Variants in NPIPB11 observed in about 807,000 individuals in gnomAD.
NPIPB11 encodes the protein nuclear pore complex interacting protein family member B11.
In NPIPB11, 17 loss-of-function variants were observed where a neutral mutation model predicts 32.8. The observed-to-expected ratio is 0.52, with a 90% CI of 0.35 to 0.78. NPIPB11 has a LOEUF of 0.78. Ranked by LOEUF, NPIPB11 falls within the 30% of genes least tolerant of loss-of-function variation. The pLI, the probability that NPIPB11 is intolerant of heterozygous loss-of-function variation, is 0.01. For synonymous variants in NPIPB11, 209 were observed against 398.4 expected (o/e 0.52, Z 5.66); for missense variants, 537 against 1,000.4 (o/e 0.54, Z 6.25).
At chr16:29,391,073 C>A (rs1347014712) in intron 3 of NPIPB11, among the ~76,000 whole-genome samples, 1 of 150,782 alleles carries the variant, frequency 6.6e-6, no homozygotes, top group African/African-American at 2.4e-5. Flanking sequence ...TGGAGACCAT[C>A]CTGGGCAACA....
At chr16:29,390,209 A>C in intron 4 of NPIPB11, 40 bp downstream of exon 4, 6 of 1,581,458 alleles carry the variant, frequency 3.8e-6, no homozygotes, top group Non-Finnish European at 5.1e-6. Flanking sequence ...TTCCAGGGCA[A>C]ACTCATTTCC....
chr16:29,399,572 G>A (rs28607408), intron 2 of NPIPB11, among the ~76,000 whole-genome samples: 7,810 of 150,690 alleles, frequency 0.052, 734 homozygotes, highest in African/African-American at 0.18. Flanking sequence ...GGTGGTGGGC[G>A]CCTTAGTCCC....
rs578249046 is a variant in NPIPB11, at chr16:29,390,526, G to A, written c.250-178C>T. On this transcript the variant is annotated intron_variant, in intron 3 of 7. Transcript: ENST00000524087. ...AAATTAGCCGGGCATGGCAGCGGGC[G>A]CCTGTAATCCAAGCTACTCGGGAGG... is the stretch of plus-strand genomic sequence containing the variant. 4.3e-3 allele frequency among the ~76,000 whole-genome samples: 649 copies of A among 151,574 alleles called. 7 individuals carry two copies. Among genetic ancestry groups the A allele is most frequent in the African/African-American group, 0.015 (609 of 41,218 alleles).
At chr16:29,391,249 G>C (rs1253867330) in intron 3 of NPIPB11, among the ~76,000 whole-genome samples, 2 of 128,158 alleles carry the variant, frequency 1.6e-5, no homozygotes, top group African/African-American at 6.0e-5. Context: ...CCTGGTGACA[G>C]AGTGAGACTC....
At chr16:29,398,884 C>A (rs541843909) in intron 2 of NPIPB11, among the ~76,000 whole-genome samples, 13 of 151,994 alleles carry the variant, frequency 8.6e-5, no homozygotes, top group African/African-American at 2.4e-4. Context: ...CATCCGAAAC[C>A]GAGTGATGAT....
intron 5 of NPIPB11, 115 bp downstream of exon 5, chr16:29,389,826 G>C: frequency 6.4e-7 from 1 of 1,555,858 alleles, no homozygotes; most frequent in South Asian, 1.1e-5. Flanking sequence ...ACTCAATTTT[G>C]AACCTACTGA....
intron 2 of NPIPB11, among the ~76,000 whole-genome samples, chr16:29,402,702 C>CTG (rs1303950821): frequency 2.7e-5 from 3 of 110,500 alleles, no homozygotes; most frequent in African/African-American, 4.1e-5. Context: ...AACTCTGTCT[C>CTG]TCTCTCTCTC....
chr16:29,389,915 A>C (rs1243696329), intron 5 of NPIPB11, 26 bp downstream of exon 5: 2 of 1,584,656 alleles, frequency 1.3e-6, no homozygotes, highest in Admixed American at 3.4e-5. Context: ...TTCCTACAAC[A>C]GTATTTGTGT....
In NPIPB11 at chr16:29,390,600, C is replaced by T. The variant is rs1266281473; in HGVS notation, c.250-252G>A. Reference sequence around the variant, plus strand: ...CTGGGAGGCGGAGGTTGCAGTGAGCCGAGATCACACCACTGCACTCCAGCC... The same window carrying T: ...CTGGGAGGCGGAGGTTGCAGTGAGCTGAGATCACACCACTGCACTCCAGCC... On this transcript the variant is annotated intron_variant, in intron 3 of 7. Coordinates refer to ENST00000524087, the Ensembl canonical transcript of NPIPB11. 1.3e-5 allele frequency among the ~76,000 whole-genome samples: 2 copies of T among 149,890 alleles called. 1 individual carries two copies. Among genetic ancestry groups the T allele is most frequent in the East Asian group, 4.0e-4 (2 of 5,002 alleles).
chr16:29,406,411 AT>A (rs1219739704), upstream of NPIPB11, among the ~76,000 whole-genome samples: 3 of 152,276 alleles, frequency 2.0e-5, no homozygotes, highest in Non-Finnish European at 4.4e-5. Flanking sequence ...TGCTAAAGTT[AT>A]ATTTGTATAA....
At chr16:29,393,891 T>C in intron 3 of NPIPB11, 57 bp downstream of exon 3, 8 of 1,386,374 alleles carry the variant, frequency 5.8e-6, no homozygotes, top group Non-Finnish European at 7.8e-6. Context: ...TTGTTTTATA[T>C]AATTTATTCT....
At chr16:29,390,490 T>C in intron 3 of NPIPB11, 142 bp from the exon 4 acceptor site, 3 of 1,321,292 alleles carry the variant, frequency 2.3e-6, no homozygotes, top group Non-Finnish European at 3.2e-6. Context: ...CCATCTCTAC[T>C]AAAAATACAA....
At chr16:29,391,011 G>C (rs909918415) in intron 3 of NPIPB11, among the ~76,000 whole-genome samples, 1 of 150,138 alleles carries the variant, frequency 6.7e-6, no homozygotes, top group African/African-American at 2.5e-5. Flanking sequence ...GCTCATGCCT[G>C]TAATCCCAAC....
intron 2 of NPIPB11, among the ~76,000 whole-genome samples, chr16:29,399,875 G>A (rs1215892916): frequency 1.3e-5 from 2 of 151,670 alleles, no homozygotes; most frequent in East Asian, 2.0e-4. Context: ...TTAGGAGTTC[G>A]AGACCAGCCT....
At chr16:29,402,718 C>CTG (rs1207937203) in intron 2 of NPIPB11, among the ~76,000 whole-genome samples, 51 of 124,968 alleles carry the variant, frequency 4.1e-4, no homozygotes, top group Admixed American at 3.6e-3. Context: ...CTCTCTCTCT[C>CTG]TCTCTCTGTG....
chr16:29,402,724 C>CTCTCTCTCTGTG (rs1449821025), intron 2 of NPIPB11, among the ~76,000 whole-genome samples: 213 of 119,652 alleles, frequency 1.8e-3, no homozygotes, highest in South Asian at 6.1e-3. Flanking sequence ...CTCTCTCTCT[C>CTCTCTCTCTGTG]TGTGTGTGTG....
intron 2 of NPIPB11, among the ~76,000 whole-genome samples, chr16:29,396,952 A>C (rs1210294436): frequency 3.3e-5 from 5 of 151,888 alleles, no homozygotes; most frequent in African/African-American, 4.8e-5. Context: ...GATGGAGACT[A>C]TCCTGGCGAA....
At position 29,392,481 on chromosome 16, in the gene NPIPB11, C is replaced by T. The variant is rs1227992145; in HGVS notation, c.249+1467G>A. On this transcript the variant is annotated intron_variant, in intron 3 of 7. Transcript: ENST00000524087. Reference sequence around the variant, plus strand: ...ATCCCAGCACTTTGGGAGGCTGAGGCGGGTGGATCATTTGAGGTCGGGTTT... The same window carrying T: ...ATCCCAGCACTTTGGGAGGCTGAGGTGGGTGGATCATTTGAGGTCGGGTTT... 7.4e-4 allele frequency among the ~76,000 whole-genome samples: 110 copies of T among 149,604 alleles called. 1 individual carries two copies. The highest frequency in any genetic ancestry group is 3.5e-3 in the Admixed American group (53 of 14,954).
intron 5 of NPIPB11, among the ~76,000 whole-genome samples, chr16:29,389,230 TGGC>T (rs1413072668): frequency 7.4e-6 from 1 of 135,630 alleles, no homozygotes; most frequent in Non-Finnish European, 1.6e-5. Context: ...TCAAATGTGG[TGGC>T]ACACAGCTGT....
Sources: gnomAD v4.1 joint callset for allele counts (sites outside exome capture counted in the v4.1 genomes callset) on GRCh38, gnomAD v4.1.1 for gene constraint, MANE v1.5 for transcripts, NCBI Gene and HGNC (gene_info 2026-07-23, HGNC 2026-07-21) for gene names.